Variants in TRAP1 observed in about 807,000 individuals in gnomAD.
The protein encoded by TRAP1 is TNF receptor associated protein 1, also known as heat shock protein 75 kDa, mitochondrial.
A neutral mutation model predicts 89.1 loss-of-function variants in TRAP1; 102 were observed. That is an observed-to-expected ratio of 1.15 (90% CI 0.98 to 1.35). The LOEUF is 1.35. Ranked by LOEUF, TRAP1 falls within the 40% of genes most tolerant of loss-of-function variation. The probability of loss-of-function intolerance (pLI) is 0.00; values close to 1 mark genes in which losing one functional copy is unlikely to be tolerated. For missense variants in TRAP1, 1,256 were observed against 945.3 expected (o/e 1.33, Z -4.31); for synonymous variants, 508 against 388.0 (o/e 1.31, Z -3.64).
intron 16 of TRAP1, 125 bp from the exon 17 acceptor site, chr16:3,658,990 G>C (rs2042899385): frequency 1.1e-6 from 1 of 923,070 alleles, no homozygotes; most frequent in Non-Finnish European, 1.7e-6. Flanking sequence ...TTTTAAATAA[G>C]GTATGTTAAT....
chr16:3,667,174 C>T (rs368640009), intron 11 of TRAP1, among the ~76,000 whole-genome samples: 3 of 152,136 alleles, frequency 2.0e-5, no homozygotes, highest in Non-Finnish European at 4.4e-5. Context: ...GGTGTCAGAG[C>T]CCAAGAACCC....
intron 1 of TRAP1, among the ~76,000 whole-genome samples, chr16:3,713,078 C>T (rs1055780107): frequency 2.0e-5 from 3 of 152,158 alleles, no homozygotes; most frequent in Admixed American, 6.6e-5. Flanking sequence ...GGACGCTACA[C>T]CTCTAGCGTC....
intron 1 of TRAP1, among the ~76,000 whole-genome samples, chr16:3,695,806 T>C (rs1162812864): frequency 2.6e-5 from 4 of 152,136 alleles, no homozygotes; most frequent in African/African-American, 7.2e-5. Context: ...GAGCCCGATT[T>C]ACGCATGTGC....
At chr16:3,715,351 T>G (rs1170528074) in intron 1 of TRAP1, among the ~76,000 whole-genome samples, 1 of 151,894 alleles carries the variant, frequency 6.6e-6, no homozygotes, top group Non-Finnish European at 1.5e-5. Context: ...GGCAGGAGAA[T>G]GGCCTGAACC....
At chr16:3,674,834 C>T (rs778618615) in intron 8 of TRAP1, 7 of 368,508 alleles carry the variant, frequency 1.9e-5, no homozygotes, top group South Asian at 9.7e-5. Flanking sequence ...CACGCTGCAC[C>T]GCAGCTGAGC....
At chr16:3,672,356 G>A (rs1318902413) in intron 10 of TRAP1, among the ~76,000 whole-genome samples, 1 of 152,068 alleles carries the variant, frequency 6.6e-6, no homozygotes, top group Non-Finnish European at 1.5e-5. Context: ...TATCAGGGAT[G>A]GTTCGCACCT....
At chr16:3,688,044 T>C (rs1265544669) in intron 3 of TRAP1, among the ~76,000 whole-genome samples, 1 of 152,162 alleles carries the variant, frequency 6.6e-6, no homozygotes, top group Non-Finnish European at 1.5e-5. Context: ...CTCTGAGCTT[T>C]GAAATCTGCT....
At chr16:3,692,439 G>C (rs1018875803) in intron 1 of TRAP1, among the ~76,000 whole-genome samples, 2 of 151,540 alleles carry the variant, frequency 1.3e-5, no homozygotes, top group East Asian at 2.0e-4. Flanking sequence ...GGGAGACTGA[G>C]GCAGGGGAAT....
At chr16:3,661,710 G>A (rs543769375) in intron 16 of TRAP1, 148 of 378,776 alleles carry the variant, frequency 3.9e-4, no homozygotes, top group African/African-American at 2.5e-3. Context: ...AGCATGTCCA[G>A]GACACGCACA....
At position 3,690,884 on chromosome 16, in the gene TRAP1, C is replaced by T. The variant is rs368129763; in HGVS notation, c.190G>A (p.Ala64Thr). Residue 64 changes from alanine to threonine, a missense_variant, in exon 2 of 18, where the codon GCC becomes ACC. By Grantham distance (58) the Ala-to-Thr change is moderately conservative. Coordinates refer to ENST00000246957, the MANE Select transcript of TRAP1 (RefSeq NM_016292.3). ...QAGRLFSTQT[A>T]EDKEEPLHSI... ...TGCAGGGGTTCCTCCTTGTCCTCGG[C>T]GGTCTGCGTGCTGAACAGTCGTCCT... 47 of 1,586,416 alleles carry T rather than the reference C, an allele frequency of 3.0e-5. No individual in the cohort carries two copies. Among genetic ancestry groups the T allele is most frequent in the African/African-American group, 8.2e-5 (6 of 73,260 alleles).
intron 1 of TRAP1, among the ~76,000 whole-genome samples, chr16:3,714,805 C>T (rs555967483): frequency 7.2e-5 from 11 of 152,226 alleles, no homozygotes; most frequent in South Asian, 2.1e-4. Flanking sequence ...ACATAAGACA[C>T]GCACACCTGA....
chr16:3,717,040 A>G (rs2051606642), intron 1 of TRAP1, among the ~76,000 whole-genome samples: 1 of 152,216 alleles, frequency 6.6e-6, no homozygotes, highest in Non-Finnish European at 1.5e-5. Flanking sequence ...ACCCCGAGTG[A>G]GTCCATTCCC....
At chr16:3,715,551 C>T (rs923965729) in intron 1 of TRAP1, among the ~76,000 whole-genome samples, 5 of 152,152 alleles carry the variant, frequency 3.3e-5, no homozygotes, top group Non-Finnish European at 7.4e-5. Flanking sequence ...GCATGAATCA[C>T]AAACACCTGT....
intron 4 of TRAP1, among the ~76,000 whole-genome samples, chr16:3,683,987 GA>G (rs2051106243): frequency 1.3e-5 from 2 of 151,998 alleles, no homozygotes; most frequent in Admixed American, 1.3e-4. Flanking sequence ...CCAACATGGT[GA>G]AACCCCATCT....
At chr16:3,706,421 G>A (rs1333190141) in intron 1 of TRAP1, among the ~76,000 whole-genome samples, 2 of 148,376 alleles carry the variant, frequency 1.3e-5, no homozygotes, top group African/African-American at 2.5e-5. Context: ...GGTGGGATTA[G>A]AAGGGCGCAC....
At chr16:3,659,814 G>C (rs1323482678) in intron 16 of TRAP1, 1 of 151,982 alleles carries the variant, frequency 6.6e-6, no homozygotes, top group African/African-American at 2.4e-5. Flanking sequence ...AGAGTGAAAT[G>C]GCATGATCTT....
intron 1 of TRAP1, among the ~76,000 whole-genome samples, chr16:3,714,415 T>C (rs2051570770): frequency 6.6e-6 from 1 of 151,976 alleles, no homozygotes; most frequent in Non-Finnish European, 1.5e-5. Context: ...AATCCCAGCA[T>C]TTTGGGAGGC....
intron 1 of TRAP1, among the ~76,000 whole-genome samples, chr16:3,714,550 G>T (rs547958577): frequency 3.1e-4 from 47 of 152,278 alleles, no homozygotes; most frequent in Non-Finnish European, 6.0e-4. Flanking sequence ...TCCCAGCTAC[G>T]TGGGAGGCGA....
rs371133414 is a variant in TRAP1 at position 3,686,142 on chromosome 16, G to A, written c.331-6C>T. 9 of 1,613,482 alleles carry A rather than the reference G, an allele frequency of 5.6e-6. No homozygotes were observed. Among genetic ancestry groups the A allele is most frequent in the Non-Finnish European group, 8.5e-7 (1 of 1,179,658 alleles). The stretch of plus-strand genomic sequence containing the variant: ...ATCAGCTCCCGTATAAACACCTACA[G>A]GAATAGAAATGGGAGGCACAGACAA... On this transcript the variant is annotated splice_polypyrimidine_tract_variant and splice_region_variant and intron_variant, in intron 3 of 17. Coordinates refer to ENST00000246957, the MANE Select transcript of TRAP1 (RefSeq NM_016292.3).
Sources: gnomAD v4.1 joint callset for allele counts (sites outside exome capture counted in the v4.1 genomes callset) on GRCh38, gnomAD v4.1.1 for gene constraint, MANE v1.5 for transcripts, NCBI Gene and HGNC (gene_info 2026-07-23, HGNC 2026-07-21) for gene names.